The following CUBN variants were observed in gnomAD, a reference collection of about 807,000 sequenced individuals.
CUBN encodes 460 kDa receptor.
A neutral mutation model predicts 405.3 loss-of-function variants in CUBN; 282 were observed. The observed-to-expected ratio is 0.70, with a 90% confidence interval of 0.63 to 0.77. CUBN has a LOEUF of 0.77. Ranked by LOEUF, CUBN falls within the 30% of genes least tolerant of loss-of-function variation. The probability of loss-of-function intolerance (pLI) is 0.00; values close to 1 mark genes in which losing one functional copy is unlikely to be tolerated. For synonymous variants in CUBN, 1,684 were observed against 1,617.0 expected (o/e 1.04, Z -0.99); for missense variants, 4,514 against 4,475.2 (o/e 1.01, Z -0.25).
intron 42 of CUBN, 80 bp from the exon 43 acceptor site, chr10:16,925,504 C>T (rs1038900021): frequency 1.9e-6 from 3 of 1,608,142 alleles, no homozygotes; most frequent in Non-Finnish European, 1.7e-6. Flanking sequence ...ATTTATGTCC[C>T]AGGAGAGAAA....
intron 19 of CUBN, among the ~76,000 whole-genome samples, chr10:17,071,150 T>A (rs973123178): frequency 6.6e-6 from 1 of 152,188 alleles, no homozygotes; most frequent in Non-Finnish European, 1.5e-5. Context: ...TGTTCTTTAT[T>A]TTATTGGTAC....
intron 28 of CUBN, among the ~76,000 whole-genome samples, chr10:16,999,710 C>G (rs1016332056): frequency 6.6e-6 from 1 of 152,208 alleles, no homozygotes; most frequent in Non-Finnish European, 1.5e-5. Context: ...AACATGTTCT[C>G]TGTAGGCAGT....
chr10:16,928,819 T>C (rs1248530619), intron 40 of CUBN, among the ~76,000 whole-genome samples: 1 of 152,018 alleles, frequency 6.6e-6, no homozygotes, highest in Non-Finnish European at 1.5e-5. Context: ...CCCTTTTTGA[T>C]AAAGACGTCT....
chr10:16,937,460 T>A, intron 39 of CUBN, 132 bp downstream of exon 39: 1 of 726,184 alleles, frequency 1.4e-6, no homozygotes, highest in African/African-American at 1.8e-5. Flanking sequence ...TAAAACAACA[T>A]CTGAACATAT....
At chr10:17,070,773 T>C (rs1835722289) in intron 19 of CUBN, among the ~76,000 whole-genome samples, 1 of 152,180 alleles carries the variant, frequency 6.6e-6, no homozygotes, top group Admixed American at 6.5e-5. Flanking sequence ...GGATTCCTTA[T>C]GATTTCCTAT....
intron 13 of CUBN, among the ~76,000 whole-genome samples, chr10:17,102,652 G>A (rs1043176694): frequency 5.7e-5 from 8 of 141,472 alleles, no homozygotes; most frequent in Non-Finnish European, 1.5e-5. Flanking sequence ...TGTTGGCCAG[G>A]CTGGAGTACA....
At chr10:16,856,901 C>A (rs554539506) in intron 59 of CUBN, among the ~76,000 whole-genome samples, 1 of 152,248 alleles carries the variant, frequency 6.6e-6, no homozygotes, top group South Asian at 2.1e-4. Flanking sequence ...TAGGGAAATT[C>A]GAGCACACCT....
chr10:16,831,745 T>C (rs2603804), intron 64 of CUBN, among the ~76,000 whole-genome samples: 21,999 of 152,048 alleles, frequency 0.14, 1,828 homozygotes, highest in East Asian at 0.29. Context: ...TTCTGGAGAA[T>C]GTAGGTAAAG....
intron 51 of CUBN, among the ~76,000 whole-genome samples, chr10:16,902,202 A>T (rs1278625971): frequency 7.4e-6 from 1 of 135,214 alleles, no homozygotes; most frequent in Non-Finnish European, 1.5e-5. Flanking sequence ...TATAGTATAT[A>T]TATTTATATA....
intron 56 of CUBN, 78 bp downstream of exon 56, chr10:16,888,339 T>C (rs1588621091): frequency 8.5e-7 from 1 of 1,181,208 alleles, no homozygotes; most frequent in South Asian, 1.3e-5. Context: ...TGTACATATG[T>C]CAAAACATGT....
At chr10:17,002,285 G>A (rs1002340089) in intron 28 of CUBN, among the ~76,000 whole-genome samples, 14 of 152,086 alleles carry the variant, frequency 9.2e-5, no homozygotes, top group African/African-American at 3.1e-4. Flanking sequence ...ACGAAAAAGT[G>A]TGGAATCCCC....
At chr10:17,120,380 A>C (rs923842616) in intron 6 of CUBN, among the ~76,000 whole-genome samples, 1 of 152,222 alleles carries the variant, frequency 6.6e-6, no homozygotes, top group African/African-American at 2.4e-5. Context: ...AGGTTTCAGA[A>C]ACTATTCCCA....
intron 18 of CUBN, 44 bp downstream of exon 18, chr10:17,071,783 A>G: frequency 6.3e-7 from 1 of 1,593,994 alleles, no homozygotes; most frequent in Non-Finnish European, 8.6e-7. Flanking sequence ...TTAAAATATT[A>G]CAATCAGGCA....
intron 60 of CUBN, among the ~76,000 whole-genome samples, chr10:16,847,418 G>C (rs192851809): frequency 1.3e-5 from 2 of 151,938 alleles, no homozygotes; most frequent in African/African-American, 2.4e-5. Context: ...CACCACTGCA[G>C]TCCAGCCTGG....
chr10:17,072,046 A>T lies in CUBN; in HGVS notation c.2302-75T>A, dbSNP rs1835752496. ...TCGGCAATGGTGGCGTTACTTGGAGATGAAAAAATGGCAGATTCAAAATGA... is the reference window on the plus strand; with the variant it reads ...TCGGCAATGGTGGCGTTACTTGGAGTTGAAAAAATGGCAGATTCAAAATGA... On this transcript the variant is annotated intron_variant, in intron 17 of 66. Coordinates refer to ENST00000377833, the MANE Select transcript of CUBN (RefSeq NM_001081.4). The T allele has an allele frequency of 2.0e-5, 23 of 1,168,218 alleles. No homozygotes were observed. The East Asian group carries it at 5.8e-4, about 30-fold the overall frequency. 72.4% of individuals were successfully genotyped at this position (1,168,218 alleles called of 1,614,324 possible).
At chr10:16,928,684 C>A (rs1842280444) in intron 40 of CUBN, among the ~76,000 whole-genome samples, 1 of 151,940 alleles carries the variant, frequency 6.6e-6, no homozygotes, top group African/African-American at 2.4e-5. Flanking sequence ...GGTGAACCAC[C>A]ACTTCTGACT....
intron 32 of CUBN, among the ~76,000 whole-genome samples, chr10:16,952,781 T>C (rs1209917189): frequency 6.6e-6 from 1 of 152,192 alleles, no homozygotes; most frequent in African/African-American, 2.4e-5. Context: ...TAAGGCTTCA[T>C]AAGGATGACT....
At chr10:16,967,610 C>T (rs1843427614) in intron 31 of CUBN, among the ~76,000 whole-genome samples, 1 of 151,802 alleles carries the variant, frequency 6.6e-6, no homozygotes, top group African/African-American at 2.4e-5. Flanking sequence ...AAAAGATCAT[C>T]CTCAAGTATC....
chr10:16,907,738 G>A (rs1024038952), intron 48 of CUBN, 59 bp from the exon 49 acceptor site: 118 of 1,576,330 alleles, frequency 7.5e-5, no homozygotes, highest in Non-Finnish European at 8.4e-5. Context: ...ATATTTCCTA[G>A]GAGGTGATAT....
Sources: allele counts gnomAD v4.1 joint callset (sites outside exome capture counted in the v4.1 genomes callset), GRCh38; gene constraint gnomAD v4.1.1; transcripts MANE v1.5; gene names NCBI Gene and HGNC (gene_info 2026-07-23, HGNC 2026-07-21).